Variants in GRIP1 observed in about 807,000 individuals in gnomAD.
The protein encoded by GRIP1 is glutamate receptor interacting protein 1, also known as glutamate receptor-interacting protein 1.
GRIP1 carries 45 observed loss-of-function variants against 129.9 expected under a neutral mutation model. That is an observed-to-expected ratio of 0.35 (90% confidence interval 0.27 to 0.44). The LOEUF (loss-of-function observed/expected upper bound fraction) is 0.44, where lower values mean the gene tolerates loss of function less well. GRIP1 is among the 20% of genes least tolerant of loss of function. The pLI is 1.00. For synonymous variants in GRIP1, 530 were observed against 520.8 expected (o/e 1.02, Z -0.24); for missense variants, 1,196 against 1,396.8 (o/e 0.86, Z 2.29).
At chr12:66,464,797 C>T (rs897729733) in intron 8 of GRIP1, among the ~76,000 whole-genome samples, 1 of 149,980 alleles carries the variant, frequency 6.7e-6, no homozygotes, top group African/African-American at 2.5e-5. Flanking sequence ...TGTGTGAAAC[C>T]TGTATAAACT....
chr12:66,858,889 C>CT (rs372297071), intron 1 of GRIP1, among the ~76,000 whole-genome samples: 2 of 151,632 alleles, frequency 1.3e-5, no homozygotes, highest in Non-Finnish European at 2.9e-5. Context: ...AATTTGGTGA[C>CT]TTTTTTGTGG....
At chr12:66,486,660 C>A (rs1304012446) in intron 7 of GRIP1, among the ~76,000 whole-genome samples, 2 of 152,184 alleles carry the variant, frequency 1.3e-5, no homozygotes, top group Admixed American at 1.3e-4. Context: ...GATTGTAAGG[C>A]TTCCCCAGCT....
chr12:66,596,740 GATTT>G (rs111505325), intron 2 of GRIP1, 103 bp downstream of exon 2: 90,753 of 724,716 alleles, frequency 0.13, 6,276 homozygotes, highest in Middle Eastern at 0.16. Flanking sequence ...GAAATAACAT[GATTT>G]ATTATTATTA....
intron 1 of GRIP1, among the ~76,000 whole-genome samples, chr12:66,660,057 A>C (rs2033403898): frequency 6.6e-6 from 1 of 152,182 alleles, no homozygotes; most frequent in Admixed American, 6.5e-5. Context: ...TAAAGTATCT[A>C]CTGTTTTCTA....
At chr12:67,065,039 G>T (rs1275032173) in intron 1 of GRIP1, 1 of 151,390 alleles carries the variant, frequency 6.6e-6, no homozygotes, top group Non-Finnish European at 1.5e-5. Context: ...TACTGAGAAT[G>T]ATGATTTCCA....
intron 2 of GRIP1, among the ~76,000 whole-genome samples, chr12:66,559,127 C>T (rs2139380247): frequency 7.3e-6 from 1 of 137,194 alleles, no homozygotes; most frequent in South Asian, 2.4e-4. Context: ...AATTCAATAT[C>T]CCTTCATGAT....
intron 23 of GRIP1, among the ~76,000 whole-genome samples, chr12:66,353,971 C>G (rs973509125): frequency 6.6e-6 from 1 of 152,172 alleles, no homozygotes; most frequent in African/African-American, 2.4e-5. Context: ...CCTTCCTCCC[C>G]ACTCCTGCCT....
chr12:66,681,861 C>T (rs555508663), upstream of GRIP1, among the ~76,000 whole-genome samples: 4 of 152,192 alleles, frequency 2.6e-5, no homozygotes, highest in South Asian at 2.1e-4. Context: ...TTCAGGGTTT[C>T]TTTAAAACAT....
chr12:66,597,851 A>G (rs1375329080), intron 1 of GRIP1, among the ~76,000 whole-genome samples: 1 of 152,260 alleles, frequency 6.6e-6, no homozygotes, highest in Middle Eastern at 3.4e-3. Context: ...TGAAAGGACA[A>G]TTCTTCCTAA....
At chr12:66,368,138 A>G (rs531090338) in intron 23 of GRIP1, among the ~76,000 whole-genome samples, 9 of 152,226 alleles carry the variant, frequency 5.9e-5, no homozygotes, top group African/African-American at 2.2e-4. Flanking sequence ...TGAGGGGCAA[A>G]CTCTGGAGAG....
At chr12:66,537,082 A>G (rs903263128) in intron 4 of GRIP1, among the ~76,000 whole-genome samples, 4 of 151,252 alleles carry the variant, frequency 2.6e-5, no homozygotes, top group Non-Finnish European at 4.4e-5. Context: ...GTAAAATGAG[A>G]AAAAAAAATG....
chr12:66,376,816 G>A (rs936101167), intron 22 of GRIP1, among the ~76,000 whole-genome samples: 5 of 152,178 alleles, frequency 3.3e-5, no homozygotes, highest in African/African-American at 9.7e-5. Flanking sequence ...GACTTAGCTC[G>A]CTTTTTAGCG....
chr12:66,855,659 A>G (rs2039990744), intron 1 of GRIP1, among the ~76,000 whole-genome samples: 1 of 151,902 alleles, frequency 6.6e-6, no homozygotes, highest in Non-Finnish European at 1.5e-5. Context: ...TAACTTTCTA[A>G]GATAGCAAAA....
At chr12:66,399,552 G>A (rs2056909407) in intron 16 of GRIP1, among the ~76,000 whole-genome samples, 1 of 151,940 alleles carries the variant, frequency 6.6e-6, no homozygotes, top group Non-Finnish European at 1.5e-5. Context: ...GGTTTACAAC[G>A]ATTAGTGAAA....
At chr12:66,480,927 C>T (rs1200892834) in intron 7 of GRIP1, among the ~76,000 whole-genome samples, 1 of 152,154 alleles carries the variant, frequency 6.6e-6, no homozygotes, top group East Asian at 1.9e-4. Flanking sequence ...GGATTGAAGA[C>T]TTAAATGTAA....
intron 2 of GRIP1, among the ~76,000 whole-genome samples, chr12:66,575,520 T>G (rs771421737): frequency 6.6e-6 from 1 of 152,218 alleles, no homozygotes; most frequent in Non-Finnish European, 1.5e-5. Flanking sequence ...AAACTTTCTT[T>G]CCTTCATTCC....
chr12:66,575,276 A>G (rs2063103841), intron 2 of GRIP1, among the ~76,000 whole-genome samples: 1 of 152,242 alleles, frequency 6.6e-6, no homozygotes, highest in Admixed American at 6.5e-5. Context: ...TTTTATGAGT[A>G]GCAAGCACAG....
chr12:66,491,309 G>T (rs1056010033), intron 7 of GRIP1, among the ~76,000 whole-genome samples: 2 of 152,152 alleles, frequency 1.3e-5, no homozygotes, highest in Non-Finnish European at 1.5e-5. Context: ...CATGTTCTTT[G>T]CAGGGACATG....
At chr12:66,440,051 C>G (rs1366399714) in intron 13 of GRIP1, among the ~76,000 whole-genome samples, 1 of 152,206 alleles carries the variant, frequency 6.6e-6, no homozygotes, top group Non-Finnish European at 1.5e-5. Context: ...TCATTCTTTT[C>G]AACCCTCGAA....
Sources: gnomAD v4.1 joint callset for allele counts (sites outside exome capture counted in the v4.1 genomes callset) on GRCh38, gnomAD v4.1.1 for gene constraint, MANE v1.5 for transcripts, NCBI Gene and HGNC (gene_info 2026-07-23, HGNC 2026-07-21) for gene names.